Variants in ARMH4 observed in about 807,000 individuals in gnomAD.
ARMH4 encodes armadillo-like helical domain-containing protein 4.
In ARMH4, 49 loss-of-function variants were observed where a neutral mutation model predicts 61.9. The ratio of observed to expected loss-of-function variants is 0.79; its 90% CI spans 0.63 to 1.00. The LOEUF (loss-of-function observed/expected upper bound fraction) is 1.00. Ranked by LOEUF, ARMH4 falls within the 50% of genes least tolerant of loss-of-function variation. The pLI is 0.00. For missense variants in ARMH4, 934 were observed against 930.0 expected, an observed-to-expected ratio of 1.00 and a Z score of -0.06; for synonymous variants, 368 against 341.5, an observed-to-expected ratio of 1.08 and a Z score of -0.85.
chr14:58,026,727 T>A (rs995087316), intron 5 of ARMH4, among the ~76,000 whole-genome samples: 4 of 152,104 alleles, frequency 2.6e-5, no homozygotes, highest in African/African-American at 9.7e-5. Context: ...CTCCTCATTC[T>A]CAATTTTAGG....
Position 58,012,820 on chromosome 14 carries a change from T to C in ARMH4, c.2090-670A>G, listed in dbSNP as rs1482019873. 3.3e-5 allele frequency among the ~76,000 whole-genome samples: 5 copies of C among 152,298 alleles called. No homozygotes were observed. In the East Asian group the frequency reaches 5.8e-4, roughly 18 times the overall value. On this transcript the variant is annotated intron_variant, in intron 5 of 7. Coordinates refer to ENST00000267485, the MANE Select transcript of ARMH4 (RefSeq NM_001001872.4). ...CAACTATGAAATTTTATGTAGACCATAGTTACAGCCATTTGGGAATACATA... is the reference window on the plus strand; with the variant it reads ...CAACTATGAAATTTTATGTAGACCACAGTTACAGCCATTTGGGAATACATA...
At chr14:58,122,780 C>T (rs2141308356) in intron 4 of ARMH4, among the ~76,000 whole-genome samples, 1 of 152,276 alleles carries the variant, frequency 6.6e-6, no homozygotes, top group Non-Finnish European at 1.5e-5. Flanking sequence ...TAGAAGTAAG[C>T]CGCCCCCTTG....
At chr14:58,151,276 T>C (rs1887909756) in intron 1 of ARMH4, among the ~76,000 whole-genome samples, 1 of 152,142 alleles carries the variant, frequency 6.6e-6, no homozygotes, top group Non-Finnish European at 1.5e-5. Flanking sequence ...GCTTGCCTCC[T>C]CGCCAGCCAA....
intron 4 of ARMH4, among the ~76,000 whole-genome samples, chr14:58,118,004 T>A (rs1252047659): frequency 6.6e-6 from 1 of 152,118 alleles, no homozygotes; most frequent in Non-Finnish European, 1.5e-5. Context: ...CCTCAAGCGA[T>A]CCTCCTGCCT....
intron 5 of ARMH4, among the ~76,000 whole-genome samples, chr14:58,088,456 GAAA>G (rs201441722): frequency 7.1e-6 from 1 of 140,380 alleles, no homozygotes; most frequent in African/African-American, 2.6e-5. Context: ...TAGCTAATGT[GAAA>G]AAAAAAAAAA....
chr14:58,054,578 G>A (rs561533708), intron 5 of ARMH4, among the ~76,000 whole-genome samples: 118 of 152,218 alleles, frequency 7.8e-4, no homozygotes, highest in Middle Eastern at 6.8e-3. Flanking sequence ...AAAGTGCTAC[G>A]TTGCATTGAA....
intron 5 of ARMH4, among the ~76,000 whole-genome samples, chr14:58,090,799 G>C (rs1324107219): frequency 6.7e-6 from 1 of 149,874 alleles, no homozygotes; most frequent in Non-Finnish European, 1.5e-5. Context: ...AGAATCGCTT[G>C]AACCCGAGAG....
At chr14:58,116,153 C>T (rs1886512483) in intron 4 of ARMH4, 1 of 152,810 alleles carries the variant, frequency 6.5e-6, no homozygotes, top group Non-Finnish European at 1.5e-5. Context: ...ACTTTTTAAA[C>T]TCCATTATTA....
At chr14:58,148,134 C>A (rs769328847) in intron 1 of ARMH4, among the ~76,000 whole-genome samples, 1 of 152,114 alleles carries the variant, frequency 6.6e-6, no homozygotes, top group African/African-American at 2.4e-5. Context: ...ACAACCTCCA[C>A]CTCCCAGGTT....
At chr14:58,107,000 A>G (rs1886184794) in intron 4 of ARMH4, among the ~76,000 whole-genome samples, 1 of 152,190 alleles carries the variant, frequency 6.6e-6, no homozygotes, top group Non-Finnish European at 1.5e-5. Flanking sequence ...AACAAAATCA[A>G]TAAAATATAT....
intron 1 of ARMH4, among the ~76,000 whole-genome samples, chr14:58,150,631 G>A (rs1414622744): frequency 6.6e-6 from 1 of 152,118 alleles, no homozygotes; most frequent in African/African-American, 2.4e-5. Flanking sequence ...CTCTCTAATT[G>A]GCTCCGTTGC....
intron 5 of ARMH4, among the ~76,000 whole-genome samples, chr14:58,064,653 C>A (rs1884644133): frequency 6.6e-6 from 1 of 152,016 alleles, no homozygotes; most frequent in Non-Finnish European, 1.5e-5. Context: ...AAGAACTTAC[C>A]AAATTATTTT....
intron 5 of ARMH4, among the ~76,000 whole-genome samples, chr14:58,028,260 G>T (rs1883090793): frequency 6.6e-6 from 1 of 152,054 alleles, no homozygotes; most frequent in Non-Finnish European, 1.5e-5. Flanking sequence ...TTTCATGGAG[G>T]GTGTTTTACC....
intron 5 of ARMH4, among the ~76,000 whole-genome samples, chr14:58,061,522 T>G (rs1053645166): frequency 2.6e-5 from 4 of 152,118 alleles, no homozygotes; most frequent in African/African-American, 9.7e-5. Flanking sequence ...TGCTATCCTC[T>G]CCAAAGCCAG....
intron 5 of ARMH4, among the ~76,000 whole-genome samples, chr14:58,045,181 T>C (rs1481955224): frequency 1.3e-5 from 2 of 152,246 alleles, no homozygotes; most frequent in Non-Finnish European, 2.9e-5. Context: ...ATTGTGGCAC[T>C]ACTCACAATA....
At chr14:58,107,420 T>C (rs1288236276) in intron 4 of ARMH4, among the ~76,000 whole-genome samples, 1 of 152,204 alleles carries the variant, frequency 6.6e-6, no homozygotes, top group Non-Finnish European at 1.5e-5. Context: ...GTCAAATTTC[T>C]CTTTTAGTGG....
Position 58,004,563 on chromosome 14 carries a change from A to G in ARMH4, c.*173T>C. 1.7e-6 allele frequency: 1 copy of G among 582,120 alleles called. No homozygotes were observed. The highest frequency in any genetic ancestry group is 3.1e-6 in the Non-Finnish European group (1 of 321,106). 36.1% of individuals were successfully genotyped at this position (582,120 alleles called of 1,614,324 possible). ...ATACTGCATGATACGTTTAGTATAC[A>G]ACATGCCATTTCTGCTCAGTACAAG... On this transcript the variant is annotated 3_prime_UTR_variant, in exon 8 of 8. Coordinates refer to ENST00000267485, the MANE Select transcript of ARMH4 (RefSeq NM_001001872.4).
intron 5 of ARMH4, among the ~76,000 whole-genome samples, chr14:58,082,912 G>C (rs1458128269): frequency 2.6e-5 from 4 of 152,086 alleles, no homozygotes; most frequent in South Asian, 4.1e-4. Flanking sequence ...CATGTGACTA[G>C]TTCTCACTAA....
chr14:58,105,967 C>T (rs1469449163), intron 4 of ARMH4, among the ~76,000 whole-genome samples: 1 of 152,104 alleles, frequency 6.6e-6, no homozygotes, highest in Non-Finnish European at 1.5e-5. Context: ...ACATCACAAC[C>T]CCAAACACTA....
Sources: allele counts gnomAD v4.1 joint callset (sites outside exome capture counted in the v4.1 genomes callset), GRCh38; gene constraint gnomAD v4.1.1; transcripts MANE v1.5; gene names NCBI Gene and HGNC (gene_info 2026-07-23, HGNC 2026-07-21).